Variants in CLMN observed in about 807,000 individuals in gnomAD.
The protein encoded by CLMN is calmin (calponin-like, transmembrane).
In CLMN, 57 loss-of-function variants were observed where a neutral mutation model predicts 92.7. The observed-to-expected ratio is 0.61, with a 90% CI of 0.50 to 0.77. The LOEUF (loss-of-function observed/expected upper bound fraction) is 0.77. Ranked by LOEUF, CLMN falls within the 30% of genes least tolerant of loss-of-function variation. CLMN has a pLI of 0.00. For synonymous variants in CLMN, 466 were observed against 470.6 expected (o/e 0.99, Z 0.13); for missense variants, 1,158 against 1,237.5 (o/e 0.94, Z 0.96).
intron 1 of CLMN, among the ~76,000 whole-genome samples, chr14:95,301,615 G>C (rs907918789): frequency 6.6e-6 from 1 of 152,138 alleles, no homozygotes; most frequent in Non-Finnish European, 1.5e-5. Flanking sequence ...CTCATCCCCA[G>C]GTCTGCTGCC....
chr14:95,253,880 C>T (rs537105422), intron 1 of CLMN, among the ~76,000 whole-genome samples: 2 of 152,174 alleles, frequency 1.3e-5, no homozygotes, highest in Non-Finnish European at 2.9e-5. Context: ...TCTCAAAGTG[C>T]TGGGATTACA....
intron 1 of CLMN, among the ~76,000 whole-genome samples, chr14:95,296,801 C>T (rs1900825876): frequency 6.6e-6 from 1 of 152,198 alleles, no homozygotes; most frequent in Admixed American, 6.5e-5. Context: ...GCGGGCCACA[C>T]CAGCTTGAAC....
intron 7 of CLMN, 65 bp from the exon 8 acceptor site, chr14:95,209,542 G>C: frequency 8.0e-7 from 1 of 1,252,034 alleles, no homozygotes; most frequent in South Asian, 1.2e-5. Flanking sequence ...AGTATTCCCG[G>C]ATGCCTGATG....
intron 1 of CLMN, among the ~76,000 whole-genome samples, chr14:95,279,974 T>TG (rs201497002): frequency 3.3e-5 from 3 of 91,998 alleles, no homozygotes; most frequent in African/African-American, 1.5e-4. Flanking sequence ...ATGTTGTTGT[T>TG]TTTTTTTTTT....
chr14:95,209,816 CGGA>C (rs1897144539), intron 7 of CLMN, among the ~76,000 whole-genome samples: 3 of 152,180 alleles, frequency 2.0e-5, no homozygotes, highest in African/African-American at 2.4e-5. Flanking sequence ...ATATGGTATA[CGGA>C]GTCCTACGTT....
chr14:95,195,891 T>C (rs1896697927), intron 10 of CLMN, among the ~76,000 whole-genome samples: 1 of 152,204 alleles, frequency 6.6e-6, no homozygotes, highest in Non-Finnish European at 1.5e-5. Context: ...TCTGGTGGCC[T>C]TGGAGTGACA....
intron 1 of CLMN, among the ~76,000 whole-genome samples, chr14:95,279,558 C>T (rs959257907): frequency 1.3e-5 from 2 of 152,152 alleles, no homozygotes; most frequent in African/African-American, 4.8e-5. Context: ...CCCAGGTGGG[C>T]GGATCATGAG....
At position 95,189,719 on chromosome 14, in the gene CLMN, T is replaced by C. The variant is rs1257374919; in HGVS notation, c.*1845A>G. 2 of 152,206 alleles carry C rather than the reference T, an allele frequency of 1.3e-5. No individual in the cohort carries two copies. The highest frequency in any genetic ancestry group is 4.8e-5 in the African/African-American group (2 of 41,454). 9.4% of individuals were successfully genotyped at this position (152,206 alleles called of 1,614,324 possible). On this transcript the variant is annotated 3_prime_UTR_variant, in exon 13 of 13. Coordinates refer to ENST00000298912, the MANE Select transcript of CLMN (RefSeq NM_024734.4). ...GTTATAAACTATCACATAATCTTTA[T>C]TATCTGTACCTTTGAGCTTTCATTG... is the stretch of plus-strand genomic sequence containing the variant.
intron 1 of CLMN, among the ~76,000 whole-genome samples, chr14:95,251,886 C>T (rs1898801225): frequency 1.3e-5 from 2 of 152,292 alleles, no homozygotes; most frequent in South Asian, 4.2e-4. Flanking sequence ...AGGTTCTAAA[C>T]TTGGGTCCAA....
At chr14:95,216,995 A>G (rs911274992) in intron 4 of CLMN, among the ~76,000 whole-genome samples, 2 of 152,182 alleles carry the variant, frequency 1.3e-5, no homozygotes, top group African/African-American at 4.8e-5. Context: ...TCATTCCACA[A>G]ACAAAATCTA....
intron 1 of CLMN, among the ~76,000 whole-genome samples, chr14:95,305,693 T>C (rs2140787337): frequency 6.6e-6 from 1 of 152,272 alleles, no homozygotes; most frequent in Middle Eastern, 3.4e-3. Context: ...AAAGGTCTCA[T>C]TAAGGGCACA....
At position 95,319,806 on chromosome 14, in the gene CLMN, G is replaced by C; in HGVS notation, c.-14C>G. 1.3e-6 allele frequency: 2 copies of C among 1,494,974 alleles called. No individual in the cohort carries two copies. The highest frequency in any genetic ancestry group is 2.8e-5 in the East Asian group (1 of 35,800). 92.6% of individuals were successfully genotyped at this position (1,494,974 alleles called of 1,614,324 possible). On this transcript the variant is annotated 5_prime_UTR_variant, in exon 1 of 13. Coordinates refer to ENST00000298912, the MANE Select transcript of CLMN (RefSeq NM_024734.4). ...GTGTGCAGCCATGAAGCGCGGGCGG[G>C]AGAGCCCGGGCCAGCGCGGCGCGGG...
At position 95,258,793 on chromosome 14, in the gene CLMN, T is replaced by C. The variant is rs548825278; in HGVS notation, c.83-28660A>G. On this transcript the variant is annotated intron_variant, in intron 1 of 12. Coordinates refer to ENST00000298912, the MANE Select transcript of CLMN (RefSeq NM_024734.4). ...GTGGTGTGTGTGTGGAGGGTGTGTATGTGTGGTGTGGTTGTATGTGGAAGG... is the reference window on the plus strand; with the variant it reads ...GTGGTGTGTGTGTGGAGGGTGTGTACGTGTGGTGTGGTTGTATGTGGAAGG... Among the ~76,000 whole-genome samples the C allele has an allele frequency of 6.3e-4, 95 of 150,924 alleles. No homozygotes were observed. In the South Asian group the frequency reaches 0.011, roughly 17 times the overall value.
chr14:95,194,478 A>C lies in CLMN; in HGVS notation c.2769+58T>G. 5 of 1,613,142 alleles carry C rather than the reference A, an allele frequency of 3.1e-6. No individual in the cohort carries two copies. The highest frequency in any genetic ancestry group is 4.2e-6 in the Non-Finnish European group (5 of 1,179,242). ...AGCTCTGGGCTGGGGAGGAGGAAGG[A>C]TGGAAAGGAATTGATTAGCAGGGGC... On this transcript the variant is annotated intron_variant, in intron 11 of 12. Coordinates refer to ENST00000298912, the MANE Select transcript of CLMN (RefSeq NM_024734.4). The surrounding 1 kb of genome is among the most constrained non-coding windows in gnomAD (Gnocchi z 4.0).
At chr14:95,201,476 G>T (rs1206835309) in intron 9 of CLMN, among the ~76,000 whole-genome samples, 2 of 151,876 alleles carry the variant, frequency 1.3e-5, no homozygotes, top group African/African-American at 4.8e-5. Flanking sequence ...CAGTACCTGG[G>T]TGATGGGGTC....
intron 8 of CLMN, among the ~76,000 whole-genome samples, chr14:95,206,898 T>C (rs1468965616): frequency 2.0e-5 from 3 of 152,184 alleles, no homozygotes; most frequent in Admixed American, 2.0e-4. Context: ...CAATGCCTAG[T>C]ATTTCAAAAT....
intron 9 of CLMN, chr14:95,199,430 A>G (rs1896814993): frequency 6.6e-6 from 1 of 152,244 alleles, no homozygotes; most frequent in Non-Finnish European, 1.5e-5. Context: ...AATCAGCTCC[A>G]GTCCTTTGGG....
Position 95,295,696 on chromosome 14 carries a change from T to C in CLMN, c.82+24015A>G, listed in dbSNP as rs571303401. 5.9e-5 allele frequency among the ~76,000 whole-genome samples: 9 copies of C among 152,332 alleles called. No individual in the cohort carries two copies. In the South Asian group the frequency reaches 1.9e-3, roughly 32 times the overall value. ...TGGGACAAAGGTCAGTGTTCTCATG[T>C]TGACCAAAGGACCAGGCCACTTAAA... On this transcript the variant is annotated intron_variant, in intron 1 of 12. Coordinates refer to ENST00000298912, the MANE Select transcript of CLMN (RefSeq NM_024734.4).
intron 8 of CLMN, among the ~76,000 whole-genome samples, 159 bp from the exon 9 acceptor site, chr14:95,204,622 A>C (rs963897547): frequency 6.6e-6 from 1 of 152,246 alleles, no homozygotes; most frequent in Non-Finnish European, 1.5e-5. Context: ...ACTTCAAACC[A>C]ATGCAAAGTG....
Sources: gnomAD v4.1 joint callset for allele counts (sites outside exome capture counted in the v4.1 genomes callset) on GRCh38, gnomAD v4.1.1 for gene constraint, Gnocchi (gnomAD v3.1) non-coding constraint, MANE v1.5 for transcripts, NCBI Gene and HGNC (gene_info 2026-07-23, HGNC 2026-07-21) for gene names.